The following GPR26 variants were observed in gnomAD, a reference collection of about 807,000 sequenced individuals.
The protein encoded by GPR26 is G protein-coupled receptor 26.
A neutral mutation model predicts 23.1 loss-of-function variants in GPR26; 15 were observed. The ratio of observed to expected loss-of-function variants is 0.65; its 90% CI spans 0.43 to 1.00. The LOEUF (loss-of-function observed/expected upper bound fraction) is 1.00. Among genes scored for constraint, GPR26 ranks in the 50% least tolerant of loss-of-function variants. The pLI is 0.00. For synonymous variants in GPR26, 228 were observed against 222.1 expected, an observed-to-expected ratio of 1.03 and a Z score of -0.24; for missense variants, 359 against 470.5, an observed-to-expected ratio of 0.76 and a Z score of 2.19.
rs1375443673 is a variant in GPR26, at chr10:123,668,443, G to A, written c.668+1368G>A. Among the ~76,000 whole-genome samples the A allele has an allele frequency of 1.3e-5, 2 of 152,292 alleles. 1 individual carries two copies. Among genetic ancestry groups the A allele is most frequent in the South Asian group, 4.1e-4 (2 of 4,832 alleles). On this transcript the variant is annotated intron_variant, in intron 1 of 2. Coordinates refer to ENST00000284674, the MANE Select transcript of GPR26 (RefSeq NM_153442.4). ...AGTGACTGAGAGCACATAGATACCA[G>A]GCCATGTAAACGTGGGAGCTCCACA...
chr10:123,687,621 G>A (rs1845442478), intron 2 of GPR26, among the ~76,000 whole-genome samples: 1 of 151,858 alleles, frequency 6.6e-6, no homozygotes, highest in Non-Finnish European at 1.5e-5. Context: ...CTTGGGCAAA[G>A]TATCTAACCT....
rs149600213 is a variant in GPR26 at position 123,695,286 on chromosome 10, C to T, written c.*7126C>T. 2.9e-3 allele frequency among the ~76,000 whole-genome samples: 443 copies of T among 152,302 alleles called. 6 individuals are homozygous for T. Among genetic ancestry groups the T allele is most frequent in the African/African-American group, 0.01 (429 of 41,542 alleles). On this transcript the variant is annotated 3_prime_UTR_variant, in exon 3 of 3. Coordinates refer to ENST00000284674, the MANE Select transcript of GPR26 (RefSeq NM_153442.4). ...GACGATGTGTACCCCTTGGGGCATGCGTGTGTTCTTAGGAACACCAGCGTG... is the reference window on the plus strand; with the variant it reads ...GACGATGTGTACCCCTTGGGGCATGTGTGTGTTCTTAGGAACACCAGCGTG...
chr10:123,667,967 G>A lies in GPR26; in HGVS notation c.668+892G>A, dbSNP rs574181895. Among the ~76,000 whole-genome samples the A allele has an allele frequency of 4.6e-5, 7 of 152,312 alleles. No individual in the cohort carries two copies. In the East Asian group the frequency reaches 7.7e-4, roughly 17 times the overall value. On this transcript the variant is annotated intron_variant, in intron 1 of 2. Coordinates refer to ENST00000284674, the MANE Select transcript of GPR26 (RefSeq NM_153442.4). ...ATCGAGGAGGGAAACAGCTGGCAGC[G>A]TCTGGACTCTGCTATTTTACATCCT...
At chr10:123,675,505 T>C (rs567404423) in intron 2 of GPR26, among the ~76,000 whole-genome samples, 10 of 152,216 alleles carry the variant, frequency 6.6e-5, no homozygotes, top group African/African-American at 2.4e-4. Flanking sequence ...CTACCAGATC[T>C]CCAGATCCTC....
At position 123,674,707 on chromosome 10, in the gene GPR26, C is replaced by T. The variant is rs537141092; in HGVS notation, c.669-111C>T. The T allele has an allele frequency of 1.5e-6, 1 of 685,420 alleles. No homozygotes were observed. The highest frequency in any genetic ancestry group is 1.7e-5 in the South Asian group (1 of 57,750). The allele number at this position is 685,420 out of a possible 1,614,324, so 42.5% of individuals were successfully genotyped here. On this transcript the variant is annotated intron_variant, in intron 1 of 2. Transcript: ENST00000284674. This position sits in a 1 kb window ranked among gnomAD's most constrained non-coding sequence, Gnocchi z 4.1. ...GAGTTGACGCTGGGTCTTTCCGACT[C>T]CATAGTCAAGTTCTCACACTAGAGA... is the stretch of plus-strand genomic sequence containing the variant.
chr10:123,677,734 C>G (rs534255819), intron 2 of GPR26, among the ~76,000 whole-genome samples: 1 of 152,284 alleles, frequency 6.6e-6, no homozygotes, highest in South Asian at 2.1e-4. Context: ...TGGGGCTTCA[C>G]GGACAAGCCT....
At chr10:123,687,879 C>T (rs531500834) in intron 2 of GPR26, 50 bp from the exon 3 acceptor site, 2 of 1,330,764 alleles carry the variant, frequency 1.5e-6, no homozygotes, top group African/African-American at 1.4e-5. Context: ...TGGCCACTCC[C>T]AGCGGTGCTT....
chr10:123,679,214 C>A (rs1216953056), intron 2 of GPR26, among the ~76,000 whole-genome samples: 2 of 152,176 alleles, frequency 1.3e-5, no homozygotes, highest in African/African-American at 4.8e-5. Flanking sequence ...AGGCAAAGGA[C>A]CCTCTAAGCT....
intron 2 of GPR26, among the ~76,000 whole-genome samples, chr10:123,678,409 G>A (rs780562681): frequency 3.3e-5 from 5 of 152,070 alleles, no homozygotes; most frequent in Non-Finnish European, 7.3e-5. Context: ...TTTCTCTCCC[G>A]TCAGGGCCCT....
chr10:123,681,794 T>G lies in GPR26; in HGVS notation c.783-6135T>G, dbSNP rs1845380876. On this transcript the variant is annotated intron_variant, in intron 2 of 2. Coordinates refer to ENST00000284674, the MANE Select transcript of GPR26 (RefSeq NM_153442.4). ...TCCTGTAGGTTCTCAAGCTTTCTAT[T>G]GGAGAGCATGAAGTCTTTATAACCA... Among the ~76,000 whole-genome samples, 2 of 152,222 alleles carry G rather than the reference T, an allele frequency of 1.3e-5. 1 individual carries two copies. Among genetic ancestry groups the G allele is most frequent in the African/African-American group, 4.8e-5 (2 of 41,470 alleles).
intron 2 of GPR26, among the ~76,000 whole-genome samples, chr10:123,681,864 G>T (rs918177346): frequency 6.6e-6 from 1 of 152,212 alleles, no homozygotes. Context: ...GGGGCTATCA[G>T]TGCATACCTT....
chr10:123,682,974 C>T (rs140462321), intron 2 of GPR26, among the ~76,000 whole-genome samples: 217 of 152,178 alleles, frequency 1.4e-3, no homozygotes, highest in African/African-American at 4.5e-3. Context: ...ATTTAGTACA[C>T]AACGTATGTG....
chr10:123,680,872 C>T (rs11248641), intron 2 of GPR26, among the ~76,000 whole-genome samples: 2 of 141,168 alleles, frequency 1.4e-5, no homozygotes, highest in Non-Finnish European at 3.0e-5. Flanking sequence ...CAGAGTCTCA[C>T]TTTGTTGCCC....
intron 2 of GPR26, among the ~76,000 whole-genome samples, chr10:123,681,345 T>G (rs975714301): frequency 2.0e-5 from 3 of 152,184 alleles, no homozygotes; most frequent in African/African-American, 7.2e-5. Flanking sequence ...GGAGACACGT[T>G]GAGGCACAAC....
intron 2 of GPR26, among the ~76,000 whole-genome samples, chr10:123,677,587 G>C (rs1192532163): frequency 6.6e-6 from 1 of 152,196 alleles, no homozygotes; most frequent in South Asian, 2.1e-4. Context: ...TCCAGCGGAG[G>C]CATGGGTTGG....
intron 2 of GPR26, among the ~76,000 whole-genome samples, chr10:123,683,074 G>A (rs1418475632): frequency 7.5e-6 from 1 of 132,952 alleles, no homozygotes; most frequent in Non-Finnish European, 1.7e-5. Flanking sequence ...AAGAGGAAGA[G>A]AGAAGAGAGG....
At chr10:123,679,297 G>A (rs991713750) in intron 2 of GPR26, among the ~76,000 whole-genome samples, 1 of 151,210 alleles carries the variant, frequency 6.6e-6, no homozygotes, top group African/African-American at 2.5e-5. Context: ...GTGATTAGCA[G>A]AGCACTGTGT....
Position 123,692,691 on chromosome 10 carries a change from G to A in GPR26, c.*4531G>A, listed in dbSNP as rs1298866899. 1 of 152,172 alleles carries A rather than the reference G, an allele frequency of 6.6e-6. No homozygotes were observed. The highest frequency in any genetic ancestry group is 1.5e-5 in the Non-Finnish European group (1 of 68,064). The allele number at this position is 152,172 out of a possible 1,614,324, so 9.4% of individuals were successfully genotyped here. On this transcript the variant is annotated 3_prime_UTR_variant, in exon 3 of 3. Coordinates refer to ENST00000284674, the MANE Select transcript of GPR26 (RefSeq NM_153442.4). ...AGTTGTTTGAGATCAGGGTTTAGGG[G>A]TAGTGTTTCCCATTAATCTTCATCA...
chr10:123,685,832 TC>T (rs1845426556), intron 2 of GPR26, among the ~76,000 whole-genome samples: 1 of 152,216 alleles, frequency 6.6e-6, no homozygotes, highest in Admixed American at 6.5e-5. Context: ...GACTTGCTGC[TC>T]ATCTCTCTGA....
Sources: allele counts gnomAD v4.1 joint callset (sites outside exome capture counted in the v4.1 genomes callset), GRCh38; gene constraint gnomAD v4.1.1; non-coding constraint Gnocchi (gnomAD v3.1); transcripts MANE v1.5; gene names NCBI Gene and HGNC (gene_info 2026-07-23, HGNC 2026-07-21).